Variants in DGKI observed in about 807,000 individuals in gnomAD.
DGKI encodes the protein DAG kinase iota.
A neutral mutation model predicts 147.5 loss-of-function variants in DGKI; 55 were observed. That is an observed-to-expected ratio of 0.37 (90% CI 0.30 to 0.47). The LOEUF (loss-of-function observed/expected upper bound fraction) is 0.47, where lower values mean the gene tolerates loss of function less well. Ranked by LOEUF, DGKI falls within the 20% of genes least tolerant of loss-of-function variation. DGKI has a pLI of 1.00. For missense variants in DGKI, 1,007 were observed against 1,323.8 expected (o/e 0.76, Z 3.71); for synonymous variants, 469 against 477.1 (o/e 0.98, Z 0.22).
At chr7:137,810,599 C>G (rs7789508) in intron 1 of DGKI, among the ~76,000 whole-genome samples, 1 of 151,962 alleles carries the variant, frequency 6.6e-6, no homozygotes, top group African/African-American at 2.4e-5. Context: ...TGTAGGAACA[C>G]AAGACATATC....
At chr7:137,572,502 T>C (rs1274695801) in intron 18 of DGKI, among the ~76,000 whole-genome samples, 1 of 152,174 alleles carries the variant, frequency 6.6e-6, no homozygotes, top group Non-Finnish European at 1.5e-5. Flanking sequence ...TAAATTAAGA[T>C]GTTCCAGTCA....
chr7:137,623,643 G>T, intron 6 of DGKI, 89 bp from the exon 7 acceptor site: 1 of 1,098,234 alleles, frequency 9.1e-7, no homozygotes, highest in Non-Finnish European at 1.4e-6. Context: ...ACGTGAATAA[G>T]GCCAGAAGGC....
intron 28 of DGKI, among the ~76,000 whole-genome samples, chr7:137,428,973 C>G (rs1384992800): frequency 6.6e-6 from 1 of 152,072 alleles, no homozygotes; most frequent in Admixed American, 6.6e-5. Flanking sequence ...AATGGCCATA[C>G]TGCCCAAGGT....
chr7:137,780,699 A>G (rs1796492345), intron 1 of DGKI, among the ~76,000 whole-genome samples: 2 of 152,236 alleles, frequency 1.3e-5, no homozygotes, highest in South Asian at 4.1e-4. Flanking sequence ...GTTTCAGTGA[A>G]TATTTTCTTT....
At chr7:137,455,485 T>C (rs1372398626) in intron 27 of DGKI, among the ~76,000 whole-genome samples, 1 of 152,134 alleles carries the variant, frequency 6.6e-6, no homozygotes, top group Non-Finnish European at 1.5e-5. Context: ...TGGGAGGTAC[T>C]TAACTTAAAA....
In DGKI at chr7:137,552,487, T is replaced by C; in HGVS notation, c.2029A>G (p.Met677Val). The change falls in exon 20 of 33, where the codon ATG becomes GTG. Residue 677 changes from methionine to valine, a missense_variant. Physicochemically the swap from Met to Val is conservative, Grantham distance 21 (BLOSUM62 1). Transcript: ENST00000614521. ...CTACAGGGCTCCCCATCCACTTGCATGGGGATGGATTTGTAAGTTAGAAGC... is the reference window on the plus strand; with the variant it reads ...CTACAGGGCTCCCCATCCACTTGCACGGGGATGGATTTGTAAGTTAGAAGC... ...VMLLTYKSIP[M>V]QVDGEPCRLA... 6.2e-7 allele frequency: 1 copy of C among 1,614,118 alleles called. No individual in the cohort carries two copies. The highest frequency in any genetic ancestry group is 8.5e-7 in the Non-Finnish European group (1 of 1,179,998).
rs1231764468 is a variant in DGKI, at chr7:137,388,801, T to C, written c.*2419A>G. The C allele has an allele frequency of 6.6e-6, 1 of 151,624 alleles. No homozygotes were observed. Among genetic ancestry groups the C allele is most frequent in the African/African-American group, 2.4e-5 (1 of 41,182 alleles). 9.4% of individuals were successfully genotyped at this position (151,624 alleles called of 1,614,324 possible). A position where few individuals can be genotyped will look rare whatever the true frequency, so the allele number is the denominator to read the frequency against. ...CTCCATGAATAACACAGGACTCTAA[T>C]GCCTTTTTTTTTTTTGGTTTGAAAA... On this transcript the variant is annotated 3_prime_UTR_variant, in exon 33 of 33. Transcript: ENST00000614521.
intron 1 of DGKI, among the ~76,000 whole-genome samples, chr7:137,728,569 C>T (rs1007478247): frequency 6.6e-6 from 1 of 152,126 alleles, no homozygotes; most frequent in African/African-American, 2.4e-5. Context: ...TAAGGGGTGA[C>T]ATCAGGCTCA....
At chr7:137,725,608 AAAAAAAGG>A (rs898722866) in intron 1 of DGKI, among the ~76,000 whole-genome samples, 7 of 152,008 alleles carry the variant, frequency 4.6e-5, no homozygotes, top group Non-Finnish European at 1.0e-4. Flanking sequence ...TCTTTAAAAA[AAAAAAAGG>A]TTGTGATATT....
At chr7:137,826,752 A>T (rs889122799) in intron 1 of DGKI, among the ~76,000 whole-genome samples, 2 of 152,198 alleles carry the variant, frequency 1.3e-5, no homozygotes, top group Non-Finnish European at 2.9e-5. Flanking sequence ...TTATCCAAAC[A>T]GTTTAGAGGG....
chr7:137,459,312 A>AAAG (rs1352063297), intron 27 of DGKI, among the ~76,000 whole-genome samples: 1 of 151,994 alleles, frequency 6.6e-6, no homozygotes, highest in African/African-American at 2.4e-5. Flanking sequence ...TTTGGAGGAG[A>AAAG]AAGGGCCGCT....
At chr7:137,739,536 G>A (rs1297814888) in intron 1 of DGKI, among the ~76,000 whole-genome samples, 1 of 152,102 alleles carries the variant, frequency 6.6e-6, no homozygotes, top group Non-Finnish European at 1.5e-5. Flanking sequence ...ACCTCATGCA[G>A]GGCCTCTCTG....
intron 30 of DGKI, among the ~76,000 whole-genome samples, chr7:137,403,346 C>T (rs1174102142): frequency 6.6e-6 from 1 of 152,226 alleles, no homozygotes; most frequent in Non-Finnish European, 1.5e-5. Context: ...TCCCATGGCG[C>T]TTTCAGAACA....
intron 10 of DGKI, among the ~76,000 whole-genome samples, chr7:137,605,313 T>TATAAAATAAAATAAAATAAAATAAA (rs564995858): frequency 1.6e-3 from 191 of 121,238 alleles, no homozygotes; most frequent in Middle Eastern, 7.9e-3. Flanking sequence ...GTCTCAAAAA[T>TATAAAATAAAATAAAATAAAATAAA]ATAAAATAAA....
At chr7:137,822,707 CAG>C (rs1397108566) in intron 1 of DGKI, among the ~76,000 whole-genome samples, 1 of 151,636 alleles carries the variant, frequency 6.6e-6, no homozygotes, top group Admixed American at 6.6e-5. Context: ...TTGAAGAAAA[CAG>C]AATTAATGTA....
At chr7:137,419,924 C>T (rs911814672) in intron 28 of DGKI, among the ~76,000 whole-genome samples, 3 of 152,200 alleles carry the variant, frequency 2.0e-5, no homozygotes, top group African/African-American at 7.2e-5. Context: ...TCTATTATTG[C>T]ATGGTAAAGT....
rs887365281 is a variant in DGKI at position 137,846,757 on chromosome 7, G to A, written c.106C>T (p.Pro36Ser). 3 of 1,025,622 alleles carry A rather than the reference G, an allele frequency of 2.9e-6. No individual in the cohort carries two copies. Among genetic ancestry groups the A allele is most frequent in the East Asian group, 1.7e-4 (2 of 11,538 alleles). 63.5% of individuals were successfully genotyped at this position (1,025,622 alleles called of 1,614,324 possible). ...AAAAAASPPG[P>S]CSGAACAPSA... ...GGAGCGCAGGCGGCGCCGCTGCAGG[G>A]GCCGGGCGGGCTGGCGGCGGCGGCG... Residue 36 changes from proline to serine, a missense_variant, in exon 1 of 33, where the codon CCC becomes TCC. This residue lies in a region of DGKI where 137 missense variants were observed against 114.4 expected (regional missense o/e 1.20). Coordinates refer to ENST00000614521, the MANE Select transcript of DGKI (RefSeq NM_001321708.2). This position sits in a 1 kb window ranked among gnomAD's most constrained non-coding sequence, Gnocchi z 4.0.
At chr7:137,756,070 C>T (rs938514081) in intron 1 of DGKI, among the ~76,000 whole-genome samples, 1 of 152,194 alleles carries the variant, frequency 6.6e-6, no homozygotes, top group Non-Finnish European at 1.5e-5. Context: ...TCAACAGTAA[C>T]AGACACAGAA....
rs181323175 is a variant in DGKI at position 137,643,063 on chromosome 7, G to A, written c.804+2409C>T. On this transcript the variant is annotated intron_variant, in intron 6 of 32. Transcript: ENST00000614521. ...TCCTAGCACTTTGGGAGGCCGAGAC[G>A]GGCGGATCACGAGGTCAGGAGATCG... 4.7e-3 allele frequency among the ~76,000 whole-genome samples: 713 copies of A among 151,224 alleles called. 2 individuals are homozygous for A. The highest frequency in any genetic ancestry group is 0.014 in the Middle Eastern group (4 of 294).
Sources: allele counts gnomAD v4.1 joint callset (sites outside exome capture counted in the v4.1 genomes callset), GRCh38; gene constraint gnomAD v4.1.1; regional missense constraint gnomAD v4.1.1; non-coding constraint Gnocchi (gnomAD v3.1); transcripts MANE v1.5; gene names NCBI Gene and HGNC (gene_info 2026-07-23, HGNC 2026-07-21).